The following RAPGEF4 variants were observed in gnomAD, a reference collection of about 807,000 sequenced individuals.
RAPGEF4 encodes the protein Rap guanine nucleotide exchange factor 4, also known as RAP guanine-nucleotide-exchange factor (GEF) 4.
Under a neutral mutation model 147.9 loss-of-function variants are expected in RAPGEF4, and 66 were observed. The observed-to-expected ratio is 0.45, with a 90% confidence interval of 0.37 to 0.55. The LOEUF (loss-of-function observed/expected upper bound fraction) is 0.55, where lower values mean the gene tolerates loss of function less well. Among genes scored for constraint, RAPGEF4 ranks in the 20% least tolerant of loss-of-function variants. The pLI is 0.00. For missense variants in RAPGEF4, 1,071 were observed against 1,257.3 expected, an observed-to-expected ratio of 0.85 and a Z score of 2.24; for synonymous variants, 419 against 442.7, an observed-to-expected ratio of 0.95 and a Z score of 0.67.
chr2:172,936,295 A>G (rs2150112555), intron 6 of RAPGEF4, among the ~76,000 whole-genome samples: 1 of 152,260 alleles, frequency 6.6e-6, no homozygotes, highest in South Asian at 2.1e-4. Flanking sequence ...TGAACCCGGG[A>G]GGCAGAGGTT....
chr2:172,877,529 A>T (rs963121549), intron 4 of RAPGEF4, among the ~76,000 whole-genome samples: 2 of 92,566 alleles, frequency 2.2e-5, no homozygotes, highest in African/African-American at 3.1e-5. Flanking sequence ...CTTAAAGTAT[A>T]AAAAAAAAAA....
At chr2:172,845,215 C>A (rs1432341201) in intron 4 of RAPGEF4, among the ~76,000 whole-genome samples, 1 of 152,184 alleles carries the variant, frequency 6.6e-6, no homozygotes, top group East Asian at 1.9e-4. Context: ...AGTCCTTGAG[C>A]TTCATGGACC....
intron 8 of RAPGEF4, among the ~76,000 whole-genome samples, chr2:172,963,832 AC>A (rs916547508): frequency 3.9e-5 from 6 of 151,984 alleles, no homozygotes; most frequent in African/African-American, 1.5e-4. Context: ...GTGCAGCATA[AC>A]CCCCCAAAAT....
At chr2:172,835,227 A>G (rs894025178) in intron 4 of RAPGEF4, among the ~76,000 whole-genome samples, 10 of 152,218 alleles carry the variant, frequency 6.6e-5, no homozygotes, top group Non-Finnish European at 1.3e-4. Flanking sequence ...GATATGTGAA[A>G]CAGATGCCAC....
At chr2:172,821,606 C>G (rs943835096) in intron 4 of RAPGEF4, 2 of 999,450 alleles carry the variant, frequency 2.0e-6, no homozygotes, top group African/African-American at 1.7e-5. Flanking sequence ...CAAGCGGAAG[C>G]CTGCTTCGAT....
rs368318278 is a variant in RAPGEF4, at chr2:172,784,513, TA to T, written c.66-10495del. Among the ~76,000 whole-genome samples, 1,092 of 132,898 alleles carry T rather than the reference TA, an allele frequency of 8.2e-3. 2 individuals are homozygous for T. The highest frequency in any genetic ancestry group is 0.015 in the African/African-American group (519 of 35,598). The allele number at this position is 132,898 out of a possible 152,430, so 87.2% of individuals were successfully genotyped here. On this transcript the variant is annotated intron_variant, in intron 1 of 30. Transcript: ENST00000397081. ...AGCCTGGGCAACAGAGCGAAACTCTTAAAAAAAAAAAAAAAAAGATCCCTGA... is the reference window on the plus strand; with the variant it reads ...AGCCTGGGCAACAGAGCGAAACTCTTAAAAAAAAAAAAAAAAGATCCCTGA...
At chr2:173,044,295 T>C (rs896933344) in intron 29 of RAPGEF4, among the ~76,000 whole-genome samples, 4 of 151,498 alleles carry the variant, frequency 2.6e-5, no homozygotes, top group African/African-American at 9.7e-5. Flanking sequence ...GTGAGTATTG[T>C]CTTATGCAAA....
chr2:172,887,111 TG>T (rs1221870166), intron 4 of RAPGEF4, among the ~76,000 whole-genome samples: 1 of 150,750 alleles, frequency 6.6e-6, no homozygotes, highest in Non-Finnish European at 1.5e-5. Flanking sequence ...CCCTTGAACC[TG>T]TGATTCAGAG....
At chr2:172,908,329 T>A (rs970405312) in intron 4 of RAPGEF4, among the ~76,000 whole-genome samples, 11 of 152,242 alleles carry the variant, frequency 7.2e-5, no homozygotes, top group Non-Finnish European at 1.6e-4. Context: ...CTCACATCCC[T>A]TTCTGCTCTG....
At chr2:172,968,940 G>A (rs1690163148) in intron 10 of RAPGEF4, among the ~76,000 whole-genome samples, 1 of 151,942 alleles carries the variant, frequency 6.6e-6, no homozygotes, top group Admixed American at 6.6e-5. Flanking sequence ...TCCCCTTTTT[G>A]CTGTCCTCCT....
At chr2:172,889,612 AATATATATGT>A (rs975304469) in intron 4 of RAPGEF4, among the ~76,000 whole-genome samples, 38 of 151,906 alleles carry the variant, frequency 2.5e-4, no homozygotes, top group Admixed American at 1.8e-3. Flanking sequence ...GCTTTAATCA[AATATATATGT>A]ATATATATGT....
intron 29 of RAPGEF4, among the ~76,000 whole-genome samples, chr2:173,039,977 G>A (rs1684550724): frequency 6.6e-6 from 1 of 152,034 alleles, no homozygotes; most frequent in Non-Finnish European, 1.5e-5. Flanking sequence ...ATCGCCTGAG[G>A]TCAGGAGTTC....
At chr2:172,828,647 A>G (rs889882097) in intron 4 of RAPGEF4, among the ~76,000 whole-genome samples, 8 of 152,084 alleles carry the variant, frequency 5.3e-5, no homozygotes, top group Non-Finnish European at 1.2e-4. Flanking sequence ...GCAGACTCCA[A>G]CTTCAGGCCC....
chr2:172,923,800 G>C (rs1685006526), intron 6 of RAPGEF4, among the ~76,000 whole-genome samples: 1 of 152,202 alleles, frequency 6.6e-6, no homozygotes, highest in Non-Finnish European at 1.5e-5. Context: ...GGTAGGCTCA[G>C]TAAACATTGG....
intron 4 of RAPGEF4, among the ~76,000 whole-genome samples, chr2:172,820,902 T>TA (rs889144880): frequency 4.6e-5 from 7 of 152,216 alleles, no homozygotes; most frequent in Admixed American, 3.3e-4. Context: ...GACTTTTTTT[T>TA]AGAGTAAATA....
At chr2:172,808,763 A>C (rs933849755) in intron 3 of RAPGEF4, among the ~76,000 whole-genome samples, 4 of 152,194 alleles carry the variant, frequency 2.6e-5, no homozygotes, top group African/African-American at 9.7e-5. Context: ...CCCAAAGCCC[A>C]CAGGTCAGTC....
intron 17 of RAPGEF4, among the ~76,000 whole-genome samples, chr2:173,006,635 TAA>T (rs1372185303): frequency 6.6e-6 from 1 of 152,228 alleles, no homozygotes; most frequent in African/African-American, 2.4e-5. Flanking sequence ...GTCCCTGTCA[TAA>T]AAATCTTTGT....
intron 18 of RAPGEF4, 123 bp downstream of exon 18, chr2:173,014,737 C>A: frequency 1.1e-6 from 1 of 944,086 alleles, no homozygotes; most frequent in Non-Finnish European, 1.5e-6. Context: ...TGAACACATT[C>A]ATTCATCAGA....
At chr2:172,867,028 G>A (rs994159416) in intron 4 of RAPGEF4, among the ~76,000 whole-genome samples, 2 of 150,684 alleles carry the variant, frequency 1.3e-5, no homozygotes, top group African/African-American at 2.4e-5. Context: ...GTGCAGTGGC[G>A]TGATCTTGGC....
Sources: allele counts gnomAD v4.1 joint callset (sites outside exome capture counted in the v4.1 genomes callset), GRCh38; gene constraint gnomAD v4.1.1; transcripts MANE v1.5; gene names NCBI Gene and HGNC (gene_info 2026-07-23, HGNC 2026-07-21).